HS1BP3: variants seen among roughly 807,000 people sequenced by gnomAD.
HS1BP3 encodes HCLS1 binding protein 3.
In HS1BP3, 32 loss-of-function variants were observed where a neutral mutation model predicts 33.5. The observed-to-expected ratio is 0.95, with a 90% CI of 0.72 to 1.28. HS1BP3 has a LOEUF of 1.28. HS1BP3 is among the 50% of genes most tolerant of loss of function. The probability of loss-of-function intolerance (pLI) is 0.00; values close to 1 mark genes in which losing one functional copy is unlikely to be tolerated. For missense variants in HS1BP3, 486 were observed against 502.3 expected (o/e 0.97, Z 0.31); for synonymous variants, 187 against 209.2 (o/e 0.89, Z 0.92).
At chr2:20,595,462 C>T (rs1316348312) in intron 3 of HS1BP3, among the ~76,000 whole-genome samples, 4 of 152,150 alleles carry the variant, frequency 2.6e-5, no homozygotes, top group African/African-American at 7.2e-5. Context: ...GGCACAGAGG[C>T]GCAGAAAGAG....
intron 1 of HS1BP3, among the ~76,000 whole-genome samples, chr2:20,649,628 G>C (rs1476941758): frequency 6.6e-6 from 1 of 152,240 alleles, no homozygotes; most frequent in Non-Finnish European, 1.5e-5. Flanking sequence ...CTGAATTCAA[G>C]CTTGAGTGCA....
At chr2:20,625,299 C>A (rs1472177048) in intron 4 of HS1BP3, among the ~76,000 whole-genome samples, 1 of 152,230 alleles carries the variant, frequency 6.6e-6, no homozygotes, top group Non-Finnish European at 1.5e-5. Flanking sequence ...GCACCAGCTG[C>A]CAGACAACCC....
rs1472767068 is a variant in HS1BP3 at position 20,611,490 on chromosome 2, G to A, written c.178+12406C>T. On this transcript the variant is annotated intron_variant, in intron 2 of 3. Transcript: ENST00000415264. The surrounding 1 kb of genome is among the most constrained non-coding windows in gnomAD (Gnocchi z 4.9). The stretch of plus-strand genomic sequence containing the variant: ...GTTCAGGGACCAGGAGAGGGAAACC[G>A]ATGTGTTTACTTCCTGTCTCCATGG... Among the ~76,000 whole-genome samples, 1 of 152,208 alleles carries A rather than the reference G, an allele frequency of 6.6e-6. No homozygotes were observed. The highest frequency in any genetic ancestry group is 1.5e-5 in the Non-Finnish European group (1 of 68,044).
At chr2:20,556,140 G>A (rs900437494), downstream of HS1BP3, among the ~76,000 whole-genome samples, 3 of 152,166 alleles carry the variant, frequency 2.0e-5, no homozygotes, top group East Asian at 1.9e-4. Flanking sequence ...TTCTGAATAT[G>A]CTTAGATCTT....
intron 3 of HS1BP3, among the ~76,000 whole-genome samples, chr2:20,597,661 GAA>G (rs778778061): frequency 1.4e-5 from 2 of 142,146 alleles, no homozygotes; most frequent in African/African-American, 5.2e-5. Flanking sequence ...TTTTGCTTGA[GAA>G]AAAAAAAAAA....
intron 4 of HS1BP3, 50 bp from the exon 5 acceptor site, chr2:20,624,942 A>C (rs1694730217): frequency 6.2e-7 from 1 of 1,607,658 alleles, no homozygotes. Context: ...ACAAGTGTCC[A>C]GGTGGTCCGG....
chr2:20,624,867 T>C lies in HS1BP3; in HGVS notation c.649A>G (p.Lys217Glu), dbSNP rs1694725935. The C allele has an allele frequency of 1.2e-6, 2 of 1,613,608 alleles. No individual in the cohort carries two copies. The highest frequency in any genetic ancestry group is 1.1e-5 in the South Asian group (1 of 91,072). ...MRSKKPKKHP[K>E]VAVKAKPSPR... ...GAGGGCTTGGCTTTCACGGCCACTTTGGGATGTTTCTTGGGCTTCTTGGAG... is the reference window on the plus strand; with the variant it reads ...GAGGGCTTGGCTTTCACGGCCACTTCGGGATGTTTCTTGGGCTTCTTGGAG... Residue 217 changes from lysine (K) to glutamate (E), a missense_variant, in exon 5 of 7, where the codon AAA (lysine) becomes GAA (glutamate). Coordinates refer to ENST00000304031, the MANE Select transcript of HS1BP3 (RefSeq NM_022460.4).
intron 5 of HS1BP3, among the ~76,000 whole-genome samples, chr2:20,580,871 T>G (rs1308988692): frequency 2.0e-5 from 3 of 152,200 alleles, no homozygotes; most frequent in African/African-American, 4.8e-5. Flanking sequence ...AATATTTAAG[T>G]TCAGTGTGCA....
intron 4 of HS1BP3, among the ~76,000 whole-genome samples, chr2:20,628,958 G>A (rs1694881525): frequency 6.6e-6 from 1 of 152,170 alleles, no homozygotes; most frequent in South Asian, 2.1e-4. Context: ...TTCTTTCCAG[G>A]GAAGCTTTGC....
intron 6 of HS1BP3, chr2:20,622,291 C>A: frequency 7.7e-7 from 1 of 1,304,702 alleles, no homozygotes; most frequent in South Asian, 1.2e-5. Flanking sequence ...AGAAGCTAAT[C>A]CCAGTGTTAC....
intron 2 of HS1BP3, among the ~76,000 whole-genome samples, chr2:20,642,253 G>T (rs566378430): frequency 6.6e-6 from 1 of 152,340 alleles, no homozygotes; most frequent in African/African-American, 2.4e-5. Context: ...ACGCCCTCGG[G>T]CTCGGGGAGA....
chr2:20,612,067 T>C (rs1465955076), intron 2 of HS1BP3, among the ~76,000 whole-genome samples: 3 of 152,246 alleles, frequency 2.0e-5, no homozygotes, highest in Non-Finnish European at 4.4e-5. Context: ...GCATCAGGTA[T>C]TGTTCAAATA....
chr2:20,578,462 C>A (rs1693454137), intron 5 of HS1BP3, among the ~76,000 whole-genome samples: 1 of 152,224 alleles, frequency 6.6e-6, no homozygotes, highest in Admixed American at 6.5e-5. Context: ...ATGACACCAT[C>A]TTTGGCCCTT....
At position 20,618,249 on chromosome 2, in the gene HS1BP3, C is replaced by G. The variant is rs964940108; in HGVS notation, c.*738G>C. ...GGAAGGAGGAAGAACTGGGGCCTAG[C>G]AGGGCCGTCTATACCCTGGAGAGGC... is the stretch of plus-strand genomic sequence containing the variant. On this transcript the variant is annotated 3_prime_UTR_variant, in exon 7 of 7. Coordinates refer to ENST00000304031, the MANE Select transcript of HS1BP3 (RefSeq NM_022460.4). The G allele has an allele frequency of 2.6e-5, 4 of 152,372 alleles. No homozygotes were observed. The highest frequency in any genetic ancestry group is 5.9e-5 in the Non-Finnish European group (4 of 68,156). 9.4% of individuals were successfully genotyped at this position (152,372 alleles called of 1,614,324 possible).
chr2:20,563,047 C>A (rs1256905665), intron 5 of HS1BP3, among the ~76,000 whole-genome samples: 3 of 152,176 alleles, frequency 2.0e-5, no homozygotes, highest in African/African-American at 7.2e-5. Flanking sequence ...GAATCACAGC[C>A]CAGGAGGCTC....
chr2:20,570,570 GGA>G (rs1339930232), intron 5 of HS1BP3, among the ~76,000 whole-genome samples: 1 of 152,176 alleles, frequency 6.6e-6, no homozygotes, highest in African/African-American at 2.4e-5. Flanking sequence ...CAGGATGGTG[GGA>G]GAGAGATGGG....
intron 5 of HS1BP3, among the ~76,000 whole-genome samples, chr2:20,569,383 T>C (rs2149271908): frequency 6.6e-6 from 1 of 152,364 alleles, no homozygotes. Flanking sequence ...TAATTGGGCC[T>C]GTGGACAGAC....
At chr2:20,612,167 G>A (rs1694330943) in intron 2 of HS1BP3, among the ~76,000 whole-genome samples, 1 of 152,172 alleles carries the variant, frequency 6.6e-6, no homozygotes. Flanking sequence ...GGAAATTGGG[G>A]CACAGAGAGG....
intron 5 of HS1BP3, among the ~76,000 whole-genome samples, chr2:20,564,153 A>G (rs922922348): frequency 1.6e-4 from 25 of 152,202 alleles, no homozygotes; most frequent in Admixed American, 1.4e-3. Context: ...AGAGCATGTG[A>G]GAATTTGTCC....
Sources: gnomAD v4.1 joint callset for allele counts (sites outside exome capture counted in the v4.1 genomes callset) on GRCh38, gnomAD v4.1.1 for gene constraint, Gnocchi (gnomAD v3.1) non-coding constraint, MANE v1.5 for transcripts, NCBI Gene and HGNC (gene_info 2026-07-23, HGNC 2026-07-21) for gene names.